NBAS: variants seen among roughly 807,000 people sequenced by gnomAD.
NBAS encodes the protein NAG/BC035112 fusion.
A neutral mutation model predicts 302.5 loss-of-function variants in NBAS; 219 were observed. The ratio of observed to expected loss-of-function variants is 0.72; its 90% confidence interval spans 0.65 to 0.81. NBAS has a LOEUF of 0.81. Ranked by LOEUF, NBAS falls within the 30% of genes least tolerant of loss-of-function variation. The probability of loss-of-function intolerance (pLI) is 0.00; values close to 1 mark genes in which losing one functional copy is unlikely to be tolerated. For synonymous variants in NBAS, 1,118 were observed against 1,021.6 expected, an observed-to-expected ratio of 1.09 and a Z score of -1.80; for missense variants, 2,932 against 2,841.6, an observed-to-expected ratio of 1.03 and a Z score of -0.72.
At position 15,190,359 on chromosome 2, in the gene NBAS, T is replaced by C. The variant is rs1558423067; in HGVS notation, c.6477A>G (p.Leu2159=). The C allele has an allele frequency of 3.1e-6, 5 of 1,614,022 alleles. No individual in the cohort carries two copies. In the Admixed American group the frequency reaches 5.0e-5, roughly 16 times the overall value. ...GACTAGATTCCAGGAGTTCCATGAA[T>C]AGACAGTAGCGGTTCTCTTCATTCT... The part of the protein sequence containing the change: ...DIENEENRYC[L]FMELLESSHH... The change falls in exon 49 of 52, where the codon CTA becomes CTG. Residue 2159 remains leucine (L), a synonymous_variant. Transcript: ENST00000281513.
Position 15,292,557 on chromosome 2 carries a change from T to C in NBAS, c.5007A>G (p.Glu1669=), listed in dbSNP as rs1195054907. The C allele has an allele frequency of 6.2e-7, 1 of 1,614,198 alleles. No individual in the cohort carries two copies. The part of the protein sequence containing the change: ...RFTADDQYKR[E]TILGLAETLE... ...CTTACTCTGCCAGACCAAGGATAGT[T>C]TCCCTTTTATACTGGTCATCTGCAG... Residue 1669 remains glutamate (E), a synonymous_variant, in exon 41 of 52, where the codon GAA becomes GAG. Coordinates refer to ENST00000281513, the MANE Select transcript of NBAS (RefSeq NM_015909.4).
intron 32 of NBAS, among the ~76,000 whole-genome samples, chr2:15,363,379 T>C (rs560032835): frequency 3.3e-5 from 5 of 152,296 alleles, no homozygotes; most frequent in African/African-American, 1.2e-4. Flanking sequence ...TTCCTTTCTC[T>C]TATGTTATCA....
chr2:15,364,374 A>G (rs1228438518), intron 32 of NBAS, among the ~76,000 whole-genome samples: 1 of 152,126 alleles, frequency 6.6e-6, no homozygotes, highest in Non-Finnish European at 1.5e-5. Flanking sequence ...TCTACTAAAA[A>G]TACAAAATTA....
intron 30 of NBAS, among the ~76,000 whole-genome samples, chr2:15,377,380 T>C (rs1317152016): frequency 6.6e-6 from 1 of 152,194 alleles, no homozygotes; most frequent in Non-Finnish European, 1.5e-5. Context: ...TGCCACATGA[T>C]AACAAAGACC....
chr2:15,467,275 T>C, intron 19 of NBAS, 54 bp downstream of exon 19: 4 of 1,279,360 alleles, frequency 3.1e-6, no homozygotes, highest in Non-Finnish European at 4.6e-6. Flanking sequence ...AGCCATAGCA[T>C]TTATAATGAC....
the NBAS span, among the ~76,000 whole-genome samples, chr2:14,981,268 T>C: frequency 2.0e-5 from 3 of 152,064 alleles, no homozygotes; most frequent in Non-Finnish European, 4.4e-5. Context: ...AAAAAAACAA[T>C]TCACATTCAA....
the NBAS span, among the ~76,000 whole-genome samples, chr2:14,793,326 A>G: frequency 6.6e-6 from 1 of 152,166 alleles, no homozygotes; most frequent in East Asian, 1.9e-4. Flanking sequence ...TCTATTATAA[A>G]TTCTTTTTTA....
rs957957852 is a variant in NBAS, at chr2:15,490,860, T to C, written c.955-1838A>G. Among the ~76,000 whole-genome samples, 18 of 152,320 alleles carry C rather than the reference T, an allele frequency of 1.2e-4. 1 individual carries two copies. The South Asian group carries it at 2.1e-3, about 18-fold the overall frequency. On this transcript the variant is annotated intron_variant, in intron 11 of 51. Coordinates refer to ENST00000281513, the MANE Select transcript of NBAS (RefSeq NM_015909.4). ...AATTATGGTCAAGTATAATTTATTG[T>C]TTTGACCACCTGAATAATTAGTCAT... is the stretch of plus-strand genomic sequence containing the variant.
chr2:15,345,460 C>G (rs1673045904), intron 35 of NBAS, among the ~76,000 whole-genome samples: 1 of 152,208 alleles, frequency 6.6e-6, no homozygotes, highest in African/African-American at 2.4e-5. Context: ...TGTGAAGGAC[C>G]TCTCAAGGAG....
intron 41 of NBAS, among the ~76,000 whole-genome samples, chr2:15,290,548 C>T (rs1301908750): frequency 6.6e-6 from 1 of 152,144 alleles, no homozygotes; most frequent in Non-Finnish European, 1.5e-5. Flanking sequence ...ATGATAATCA[C>T]CTTCTAAGAA....
At chr2:14,852,554 A>C in the NBAS span, among the ~76,000 whole-genome samples, 4 of 108,398 alleles carry the variant, frequency 3.7e-5, 1 homozygote, top group Non-Finnish European at 7.5e-5. Context: ...CTTTCTTCAC[A>C]GAATTGGAAA....
At chr2:14,961,559 G>A in the NBAS span, among the ~76,000 whole-genome samples, 1 of 152,106 alleles carries the variant, frequency 6.6e-6, no homozygotes. Flanking sequence ...TGCTTCTTAT[G>A]CAGCCTGCAG....
intron 36 of NBAS, 112 bp from the exon 37 acceptor site, chr2:15,328,424 C>T (rs1396016638): frequency 6.8e-6 from 6 of 877,554 alleles, no homozygotes; most frequent in South Asian, 1.4e-5. Context: ...AGGCTGATTT[C>T]AAAAGAAACT....
intron 9 of NBAS, among the ~76,000 whole-genome samples, chr2:15,525,591 C>T (rs1202908428): frequency 6.6e-6 from 1 of 152,114 alleles, no homozygotes; most frequent in Admixed American, 6.6e-5. Flanking sequence ...AACTCAGTGT[C>T]AAAGGGTCAT....
Position 15,417,540 on chromosome 2 carries a change from A to G in NBAS, c.2750T>C (p.Leu917Ser), listed in dbSNP as rs140950764. The G allele has an allele frequency of 2.1e-4, 337 of 1,612,656 alleles. 1 individual carries two copies. In the African/African-American group the frequency reaches 4.1e-3, roughly 20 times the overall value. ...QQMKDIEKLR[L>S]LMNSCSEDKY... ...AATAAAACCTACACTATTCATCAGT[A>G]ATCTTAGTTTTTCAATGTCTTTCAT... The change falls in exon 24 of 52, where the codon TTA becomes TCA. Residue 917 changes from leucine (L) to serine (S), a missense_variant. By Grantham distance (145) the Leu-to-Ser change is moderately radical. Coordinates refer to ENST00000281513, the MANE Select transcript of NBAS (RefSeq NM_015909.4).
At chr2:15,423,323 G>C (rs1677301419) in intron 23 of NBAS, among the ~76,000 whole-genome samples, 1 of 152,100 alleles carries the variant, frequency 6.6e-6, no homozygotes, top group Admixed American at 6.5e-5. Context: ...CACCCAAAGA[G>C]TTTAGTCTAG....
At chr2:15,322,283 ATG>A (rs1671847131) in intron 38 of NBAS, among the ~76,000 whole-genome samples, 2 of 152,084 alleles carry the variant, frequency 1.3e-5, no homozygotes, top group Non-Finnish European at 2.9e-5. Flanking sequence ...GAAATAACTA[ATG>A]TAAATGACGA....
At chr2:14,974,026 C>A in the NBAS span, among the ~76,000 whole-genome samples, 9 of 152,218 alleles carry the variant, frequency 5.9e-5, no homozygotes, top group African/African-American at 2.2e-4. Context: ...GAATATTTCT[C>A]AGATTCCTCC....
intron 31 of NBAS, among the ~76,000 whole-genome samples, chr2:15,370,834 G>A (rs1261898126): frequency 6.6e-6 from 1 of 152,208 alleles, no homozygotes; most frequent in Admixed American, 6.5e-5. Flanking sequence ...AGGCTCCTAG[G>A]TGGAAGGGAC....
Sources: allele counts gnomAD v4.1 joint callset (sites outside exome capture counted in the v4.1 genomes callset), GRCh38; gene constraint gnomAD v4.1.1; transcripts MANE v1.5; gene names NCBI Gene and HGNC (gene_info 2026-07-23, HGNC 2026-07-21).